Variants in PRR16 observed in about 807,000 individuals in gnomAD.
The protein encoded by PRR16 is proline rich 16, also known as protein Largen.
PRR16 carries 6 observed loss-of-function variants against 18.2 expected under a neutral mutation model. That is an observed-to-expected ratio of 0.33 (90% CI 0.18 to 0.65). PRR16 has a LOEUF of 0.65. PRR16 is among the 30% of genes least tolerant of loss of function. The pLI, the probability that PRR16 is intolerant of heterozygous loss-of-function variation, is 0.74. For missense variants in PRR16, 412 were observed against 376.6 expected, an observed-to-expected ratio of 1.09 and a Z score of -0.78; for synonymous variants, 151 against 147.8, an observed-to-expected ratio of 1.02 and a Z score of -0.16.
At chr5:120,575,515 A>G (rs926165542) in intron 1 of PRR16, among the ~76,000 whole-genome samples, 6 of 152,174 alleles carry the variant, frequency 3.9e-5, no homozygotes, top group African/African-American at 1.4e-4. Context: ...ACTCAAACCA[A>G]TAAACATGGT....
chr5:120,601,504 A>G (rs1243352048), intron 1 of PRR16, among the ~76,000 whole-genome samples: 1 of 151,964 alleles, frequency 6.6e-6, no homozygotes, highest in Non-Finnish European at 1.5e-5. Context: ...TATTTTTTCT[A>G]TTCTATGCGT....
intron 1 of PRR16, among the ~76,000 whole-genome samples, chr5:120,638,719 G>A (rs991671): frequency 0.98 from 149,768 of 152,184 alleles, 73,728 homozygotes; most frequent in East Asian, 1. Context: ...ATACACATGC[G>A]TAGCAACACA....
chr5:120,592,781 T>C (rs1011622891), intron 1 of PRR16, among the ~76,000 whole-genome samples: 2 of 152,168 alleles, frequency 1.3e-5, no homozygotes, highest in African/African-American at 4.8e-5. Flanking sequence ...TTTCATTACA[T>C]TATTAACATT....
At chr5:120,700,452 A>G in the PRR16 span, among the ~76,000 whole-genome samples, 1 of 152,146 alleles carries the variant, frequency 6.6e-6, no homozygotes, top group African/African-American at 2.4e-5. Context: ...GGGGGATACA[A>G]GAGGAGGATG....
intron 1 of PRR16, among the ~76,000 whole-genome samples, chr5:120,651,896 T>C (rs985911509): frequency 6.6e-6 from 1 of 152,186 alleles, no homozygotes; most frequent in Middle Eastern, 3.4e-3. Flanking sequence ...GGGGATGGCA[T>C]TGAATCTATA....
At chr5:120,523,615 A>C (rs1751257622) in intron 1 of PRR16, among the ~76,000 whole-genome samples, 1 of 152,134 alleles carries the variant, frequency 6.6e-6, no homozygotes, top group Non-Finnish European at 1.5e-5. Context: ...TTTCAAGTTG[A>C]ATTTTTTCTT....
chr5:120,690,711 A>C (rs1487081409), downstream of PRR16, among the ~76,000 whole-genome samples: 1 of 152,174 alleles, frequency 6.6e-6, no homozygotes, highest in African/African-American at 2.4e-5. Flanking sequence ...TTCAAGTTAC[A>C]TGATTTTGAA....
chr5:120,715,193 G>T, the PRR16 span, among the ~76,000 whole-genome samples: 20 of 151,562 alleles, frequency 1.3e-4, no homozygotes, highest in East Asian at 1.2e-3. Flanking sequence ...ATAGTTTTCT[G>T]TTTTACACTT....
chr5:120,483,477 T>A (rs1309761690), intron 1 of PRR16, among the ~76,000 whole-genome samples: 1 of 152,024 alleles, frequency 6.6e-6, no homozygotes, highest in Non-Finnish European at 1.5e-5. Context: ...ACACAGCTTC[T>A]CACAGAAGAT....
chr5:120,485,011 G>C lies in PRR16; in HGVS notation c.159+20366G>C, dbSNP rs896043326. 3.3e-5 allele frequency among the ~76,000 whole-genome samples: 5 copies of C among 151,616 alleles called. No homozygotes were observed. The East Asian group carries it at 9.7e-4, about 29-fold the overall frequency. The stretch of plus-strand genomic sequence containing the variant: ...TTCCATGGGAGAAGGAATAGATAAG[G>C]TTTTTCTTTCCTGAACTTTTGGAAA... On this transcript the variant is annotated intron_variant, in intron 1 of 1. Transcript: ENST00000407149.
chr5:120,788,540 G>T, the PRR16 span, among the ~76,000 whole-genome samples: 1 of 152,040 alleles, frequency 6.6e-6, no homozygotes, highest in African/African-American at 2.4e-5. Flanking sequence ...CAGCTTGAGT[G>T]CTGGTTTCCT....
At chr5:120,693,916 G>C in the PRR16 span, among the ~76,000 whole-genome samples, 1 of 152,106 alleles carries the variant, frequency 6.6e-6, no homozygotes, top group Non-Finnish European at 1.5e-5. Flanking sequence ...TAAAAGCTTA[G>C]TACTCATTCC....
intron 1 of PRR16, among the ~76,000 whole-genome samples, chr5:120,519,758 G>T (rs1041882072): frequency 6.6e-6 from 1 of 151,954 alleles, no homozygotes; most frequent in South Asian, 2.1e-4. Context: ...GAAATTAAGA[G>T]AAAAGAAAAA....
chr5:120,756,174 C>T, the PRR16 span, among the ~76,000 whole-genome samples: 1 of 152,046 alleles, frequency 6.6e-6, no homozygotes, highest in Admixed American at 6.6e-5. Flanking sequence ...TGGCCTGCAA[C>T]CAGTCTGATT....
the PRR16 span, chr5:120,710,751 C>G: frequency 6.6e-6 from 1 of 152,300 alleles, no homozygotes; most frequent in Non-Finnish European, 1.5e-5. Flanking sequence ...TTCAAGTCAT[C>G]ATGGTGAGAC....
intron 1 of PRR16, among the ~76,000 whole-genome samples, chr5:120,520,865 T>C (rs1561528655): frequency 6.6e-6 from 1 of 152,056 alleles, no homozygotes; most frequent in Non-Finnish European, 1.5e-5. Flanking sequence ...ATATATTTTC[T>C]TTTAATTTAT....
chr5:120,701,623 T>C, the PRR16 span, among the ~76,000 whole-genome samples: 1,698 of 141,480 alleles, frequency 0.012, 28 homozygotes, highest in African/African-American at 0.039. Context: ...AGAATTGGGA[T>C]CTAGCTCGGC....
the PRR16 span, among the ~76,000 whole-genome samples, chr5:120,777,776 C>T: frequency 4.6e-5 from 7 of 151,906 alleles, no homozygotes; most frequent in Admixed American, 2.0e-4. Flanking sequence ...CTGAATACTG[C>T]GAATCTATTA....
rs1448490379 is a variant in PRR16 at position 120,501,977 on chromosome 5, A to G, written c.159+37332A>G. Reference sequence around the variant, plus strand: ...TCTCAAAAAAAAAAAAAAAAAAAAAAAAAAAGAAAGAAATAGCTAGTATAA... The same window carrying G: ...TCTCAAAAAAAAAAAAAAAAAAAAAGAAAAAGAAAGAAATAGCTAGTATAA... On this transcript the variant is annotated intron_variant, in intron 1 of 1. Transcript: ENST00000407149. Among the ~76,000 whole-genome samples, 724 of 150,034 alleles carry G rather than the reference A, an allele frequency of 4.8e-3. 10 individuals are homozygous for G. The highest frequency in any genetic ancestry group is 0.016 in the African/African-American group (650 of 41,018).
Sources: gnomAD v4.1 joint callset for allele counts (sites outside exome capture counted in the v4.1 genomes callset) on GRCh38, gnomAD v4.1.1 for gene constraint, MANE v1.5 for transcripts, NCBI Gene and HGNC (gene_info 2026-07-23, HGNC 2026-07-21) for gene names.